The following ATP8A1 variants were observed in gnomAD, a reference collection of about 807,000 sequenced individuals.
ATP8A1 encodes ATPase phospholipid transporting 8A1, also known as phospholipid-transporting ATPase IA.
A neutral mutation model predicts 177.7 loss-of-function variants in ATP8A1; 90 were observed. The observed-to-expected ratio is 0.51, with a 90% CI of 0.43 to 0.60. The LOEUF (loss-of-function observed/expected upper bound fraction) is 0.60, where lower values mean the gene tolerates loss of function less well. Among genes scored for constraint, ATP8A1 ranks in the 20% least tolerant of loss-of-function variants. The pLI is 0.00. For synonymous variants in ATP8A1, 493 were observed against 485.9 expected (o/e 1.01, Z -0.19); for missense variants, 1,072 against 1,392.8 (o/e 0.77, Z 3.67).
intron 25 of ATP8A1, among the ~76,000 whole-genome samples, chr4:42,471,073 A>T (rs1231689415): frequency 2.0e-5 from 3 of 152,224 alleles, no homozygotes; most frequent in African/African-American, 7.2e-5. Flanking sequence ...CAGCAAAAAA[A>T]AACCTGATGT....
rs199510254 is a variant in ATP8A1 at position 42,444,559 on chromosome 4, T to C, written c.3015+19A>G. ...AAGTAAATGTGACATTTCTTGGTTG[T>C]GGTTAGATATTTTCTTACCCATGTC... On this transcript the variant is annotated intron_variant, in intron 32 of 36. Coordinates refer to ENST00000381668, the MANE Select transcript of ATP8A1 (RefSeq NM_006095.2). The C allele has an allele frequency of 8.0e-5, 129 of 1,608,176 alleles. No individual in the cohort carries two copies. Among genetic ancestry groups the C allele is most frequent in the Middle Eastern group, 5.0e-4 (3 of 6,048 alleles).
rs538712842 is a variant in ATP8A1, at chr4:42,444,818, T to C, written c.2959-184A>G. On this transcript the variant is annotated intron_variant, in intron 31 of 36. Coordinates refer to ENST00000381668, the MANE Select transcript of ATP8A1 (RefSeq NM_006095.2). ...AGCTGGGCAGCTGACGGGACTGTGA[T>C]AGGTCAGAGGTGCCCAGGGCAGCAC... Among the ~76,000 whole-genome samples, 23 of 152,282 alleles carry C rather than the reference T, an allele frequency of 1.5e-4. No homozygotes were observed. The South Asian group carries it at 4.8e-3, about 32-fold the overall frequency.
intron 4 of ATP8A1, 112 bp downstream of exon 4, chr4:42,624,424 G>T: frequency 1.9e-6 from 1 of 532,702 alleles, no homozygotes; most frequent in Non-Finnish European, 3.2e-6. Flanking sequence ...GAAGTTGAAT[G>T]GATATTTTAA....
intron 24 of ATP8A1, among the ~76,000 whole-genome samples, chr4:42,496,869 A>G (rs764342370): frequency 1.5e-4 from 23 of 152,112 alleles, no homozygotes; most frequent in South Asian, 6.2e-4. Context: ...TCTTATGTAC[A>G]GTTGTATTAG....
At chr4:42,610,412 C>T (rs1282280222) in intron 5 of ATP8A1, among the ~76,000 whole-genome samples, 1 of 151,840 alleles carries the variant, frequency 6.6e-6, no homozygotes, top group Admixed American at 6.6e-5. Context: ...AGAAAAATTC[C>T]CATGAAAGCA....
rs944772129 is a variant in ATP8A1, at chr4:42,556,107, G to A, written c.1341-67C>T. On this transcript the variant is annotated intron_variant, in intron 15 of 36. Transcript: ENST00000381668. ...CCAGCCCACTGATCTATTTGTTAATGTACTTTATGAGTAAAGTGTTATGTC... is the reference window on the plus strand; with the variant it reads ...CCAGCCCACTGATCTATTTGTTAATATACTTTATGAGTAAAGTGTTATGTC... The A allele has an allele frequency of 2.7e-5, 31 of 1,143,674 alleles. 1 individual carries two copies. The African/African-American group carries it at 4.7e-4, about 17-fold the overall frequency. The allele number at this position is 1,143,674 out of a possible 1,614,324, so 70.8% of individuals were successfully genotyped here. A position where few individuals can be genotyped will look rare whatever the true frequency, so the allele number is the denominator to read the frequency against.
At chr4:42,577,845 T>G (rs1409152922) in intron 12 of ATP8A1, among the ~76,000 whole-genome samples, 2 of 152,178 alleles carry the variant, frequency 1.3e-5, no homozygotes, top group Non-Finnish European at 1.5e-5. Context: ...CTCTTTGCTA[T>G]GTCAAGAGAT....
chr4:42,474,655 A>G (rs1472574478), intron 25 of ATP8A1, among the ~76,000 whole-genome samples: 1 of 152,170 alleles, frequency 6.6e-6, no homozygotes, highest in Non-Finnish European at 1.5e-5. Flanking sequence ...GGGGAATTCC[A>G]TCAGAGTGCA....
Position 42,423,674 on chromosome 4 carries a change from CAA to C in ATP8A1, c.3153_3154del (p.Phe1051LeufsTer15). The C allele has an allele frequency of 6.2e-7, 1 of 1,612,622 alleles. No individual in the cohort carries two copies. The highest frequency in any genetic ancestry group is 8.5e-7 in the Non-Finnish European group (1 of 1,179,438). ...CACAGGGATGAATAACAAGCCCATC[CAA>C]AAGACTCCAGAACTGAACAACATGG... On this transcript the variant is annotated frameshift_variant, in exon 34 of 37. Coordinates refer to ENST00000381668, the MANE Select transcript of ATP8A1 (RefSeq NM_006095.2). LOFTEE classifies it high-confidence loss of function.
At chr4:42,641,148 T>C (rs906031505) in intron 1 of ATP8A1, among the ~76,000 whole-genome samples, 1 of 152,116 alleles carries the variant, frequency 6.6e-6, no homozygotes, top group Non-Finnish European at 1.5e-5. Context: ...ATGACACGAT[T>C]AATCAATGTA....
At chr4:42,584,754 C>T (rs77144065) in intron 9 of ATP8A1, among the ~76,000 whole-genome samples, 13,822 of 152,238 alleles carry the variant, frequency 0.091, 768 homozygotes, top group African/African-American at 0.15. Flanking sequence ...TACTTCCAAA[C>T]ATATCTCATG....
intron 18 of ATP8A1, 131 bp from the exon 19 acceptor site, chr4:42,549,193 A>T: frequency 1.5e-6 from 1 of 680,204 alleles, no homozygotes; most frequent in Middle Eastern, 3.1e-4. Context: ...GAAATATGGA[A>T]GGGAGCTTAC....
intron 25 of ATP8A1, among the ~76,000 whole-genome samples, chr4:42,475,809 G>A (rs911005878): frequency 3.9e-5 from 6 of 151,926 alleles, no homozygotes; most frequent in African/African-American, 1.2e-4. Context: ...AGGCCGAGGT[G>A]GGTAGATCAC....
rs1452180331 is a variant in ATP8A1 at position 42,574,601 on chromosome 4, T to C, written c.1295+18A>G. On this transcript the variant is annotated intron_variant, in intron 14 of 36. Coordinates refer to ENST00000381668, the MANE Select transcript of ATP8A1 (RefSeq NM_006095.2). ...ATTAAGCATGTATTTCATATCCTAA[T>C]TAAAGGAAAAAACTCACCCATAAGC... is the stretch of plus-strand genomic sequence containing the variant. 5 of 1,591,772 alleles carry C rather than the reference T, an allele frequency of 3.1e-6. No homozygotes were observed. The highest frequency in any genetic ancestry group is 1.4e-5 in the African/African-American group (1 of 74,038).
chr4:42,426,611 A>G (rs1229870530), intron 33 of ATP8A1, among the ~76,000 whole-genome samples: 2 of 152,254 alleles, frequency 1.3e-5, no homozygotes, highest in East Asian at 3.8e-4. Context: ...GTGGCTGCAT[A>G]ACATTGATTA....
intron 15 of ATP8A1, 127 bp from the exon 16 acceptor site, chr4:42,556,167 T>C (rs976130915): frequency 9.3e-6 from 5 of 539,608 alleles, no homozygotes; most frequent in African/African-American, 2.0e-5. Flanking sequence ...TAATTTGGCC[T>C]GCATTTCTAA....
chr4:42,480,889 C>T (rs1026255855), intron 25 of ATP8A1, among the ~76,000 whole-genome samples: 1 of 152,160 alleles, frequency 6.6e-6, no homozygotes, highest in Non-Finnish European at 1.5e-5. Context: ...TTTTGCTTTT[C>T]AGAAGACATG....
intron 4 of ATP8A1, among the ~76,000 whole-genome samples, chr4:42,620,977 A>G (rs192128175): frequency 1.3e-5 from 2 of 152,376 alleles, no homozygotes; most frequent in African/African-American, 4.8e-5. Flanking sequence ...GTGAAACACT[A>G]GCATGATGCC....
chr4:42,625,914 G>T, intron 2 of ATP8A1: 3 of 376,742 alleles, frequency 8.0e-6, no homozygotes, highest in Non-Finnish European at 1.4e-5. Flanking sequence ...GAATACCACA[G>T]ATTTTTTTTT....
Sources: allele counts gnomAD v4.1 joint callset (sites outside exome capture counted in the v4.1 genomes callset), GRCh38; gene constraint gnomAD v4.1.1; transcripts MANE v1.5; gene names NCBI Gene and HGNC (gene_info 2026-07-23, HGNC 2026-07-21).